STAT5B: variants seen among roughly 807,000 people sequenced by gnomAD.
STAT5B encodes signal transducer and activator of transcription 5B.
STAT5B carries 21 observed loss-of-function variants against 107.8 expected under a neutral mutation model. That is an observed-to-expected ratio of 0.19 (90% CI 0.14 to 0.28). The LOEUF (loss-of-function observed/expected upper bound fraction) is 0.28, where lower values mean the gene tolerates loss of function less well. STAT5B is among the 10% of genes least tolerant of loss of function. The pLI is 1.00. For synonymous variants in STAT5B, 325 were observed against 401.7 expected, an observed-to-expected ratio of 0.81 and a Z score of 2.28; for missense variants, 565 against 1,008.2, an observed-to-expected ratio of 0.56 and a Z score of 5.95.
chr17:42,261,565 A>G (rs1213974357), intron 1 of STAT5B, among the ~76,000 whole-genome samples: 17 of 151,694 alleles, frequency 1.1e-4, no homozygotes, highest in Admixed American at 1.1e-3. Flanking sequence ...TTTTATTTTT[A>G]TTTATTTATT....
chr17:42,265,374 C>CTTTTTTTTTTTTTTTTTTTTTT (rs1275073687), intron 1 of STAT5B, among the ~76,000 whole-genome samples: 1 of 99,228 alleles, frequency 1.0e-5, no homozygotes, highest in African/African-American at 5.0e-5. Context: ...GGTATGTACT[C>CTTTTTTTTTTTTTTTTTTTTTT]TTCTTTTTTT....
At chr17:42,241,645 G>A (rs906594442) in intron 1 of STAT5B, among the ~76,000 whole-genome samples, 66 of 152,168 alleles carry the variant, frequency 4.3e-4, no homozygotes, top group African/African-American at 1.5e-3. Flanking sequence ...GTTTTACCAT[G>A]TTGGCCAGGC....
intron 5 of STAT5B, among the ~76,000 whole-genome samples, chr17:42,221,509 C>G (rs1048676540): frequency 6.6e-6 from 1 of 152,212 alleles, no homozygotes; most frequent in South Asian, 2.1e-4. Context: ...AGATCCAAAC[C>G]CAACCTGAAT....
At chr17:42,273,756 C>A (rs969267767) in intron 1 of STAT5B, among the ~76,000 whole-genome samples, 1 of 152,156 alleles carries the variant, frequency 6.6e-6, no homozygotes. Flanking sequence ...ACCTACATAA[C>A]AACAAGCCAA....
chr17:42,270,772 G>GA (rs2080716713), intron 1 of STAT5B: 1 of 152,128 alleles, frequency 6.6e-6, no homozygotes, highest in Admixed American at 6.5e-5. Context: ...GCAGTCTCTG[G>GA]AATCAGCCCC....
At chr17:42,241,076 A>T (rs183507528) in intron 1 of STAT5B, among the ~76,000 whole-genome samples, 1 of 152,158 alleles carries the variant, frequency 6.6e-6, no homozygotes, top group Non-Finnish European at 1.5e-5. Context: ...GTGGTGGCTC[A>T]TGCTTGTAAT....
upstream of STAT5B, among the ~76,000 whole-genome samples, chr17:42,281,133 CA>C (rs537711767): frequency 3.3e-4 from 39 of 117,384 alleles, no homozygotes; most frequent in Admixed American, 3.4e-4. Context: ...GATTCCGTCT[CA>C]AAAAAAAAAA....
At chr17:42,218,373 C>T (rs780937126) in intron 8 of STAT5B, 43 bp from the exon 9 acceptor site, 2 of 1,598,672 alleles carry the variant, frequency 1.3e-6, no homozygotes, top group Non-Finnish European at 1.7e-6. Flanking sequence ...GGGGCTGGTG[C>T]AGGGGAAAGG....
At position 42,202,431 on chromosome 17, in the gene STAT5B, C is replaced by A. The variant is rs1322296480; in HGVS notation, c.2146G>T (p.Ala716Ser). Reference sequence around the variant, plus strand: ...GTGGCGCTGCCGCCCCCGGCATCTGCAGATGCGTTCACAAACCTGCAGAAG... The same window carrying A: ...GTGGCGCTGCCGCCCCCGGCATCTGAAGATGCGTTCACAAACCTGCAGAAG... ...QVVPEFVNAS[A>S]DAGGGSATYM... Residue 716 changes from alanine (A) to serine (S), a missense_variant, in exon 18 of 19, where the codon GCA becomes TCA. Physicochemically the swap from Ala to Ser is moderately conservative, Grantham distance 99. Coordinates refer to ENST00000293328, the MANE Select transcript of STAT5B (RefSeq NM_012448.4). The A allele has an allele frequency of 9.9e-6, 16 of 1,614,206 alleles. No homozygotes were observed. Among genetic ancestry groups the A allele is most frequent in the Non-Finnish European group, 1.4e-5 (16 of 1,180,040 alleles).
chr17:42,246,956 T>C (rs982374422), intron 1 of STAT5B, among the ~76,000 whole-genome samples: 4 of 152,198 alleles, frequency 2.6e-5, no homozygotes, highest in African/African-American at 9.7e-5. Flanking sequence ...TCGCTCCTAC[T>C]CAAAGGCCAA....
chr17:42,249,120 G>A (rs1201307222), intron 1 of STAT5B, among the ~76,000 whole-genome samples: 2 of 152,200 alleles, frequency 1.3e-5, no homozygotes, highest in Non-Finnish European at 2.9e-5. Flanking sequence ...GGCTGGGTGA[G>A]GTGGCTCAGG....
At chr17:42,282,294 T>A in the STAT5B span, among the ~76,000 whole-genome samples, 24 of 151,626 alleles carry the variant, frequency 1.6e-4, no homozygotes, top group South Asian at 5.0e-3. Flanking sequence ...GGCCAAGGCC[T>A]CTGAGCACCT....
intron 2 of STAT5B, 107 bp from the exon 3 acceptor site, chr17:42,227,792 T>C: frequency 8.4e-7 from 1 of 1,189,226 alleles, no homozygotes; most frequent in Non-Finnish European, 1.2e-6. Flanking sequence ...ATGTTTTTAA[T>C]CCTCACTGCA....
intron 4 of STAT5B, 120 bp from the exon 5 acceptor site, chr17:42,223,676 C>T (rs771940054): frequency 7.7e-6 from 10 of 1,297,462 alleles, no homozygotes; most frequent in Non-Finnish European, 9.6e-6. Flanking sequence ...AATTTTGAGT[C>T]GGGAGGAAAA....
Position 42,207,732 on chromosome 17 carries a change from G to C in STAT5B, c.1907-4C>G, listed in dbSNP as rs1300626408. On this transcript the variant is annotated splice_region_variant and splice_polypyrimidine_tract_variant and intron_variant, in intron 15 of 18. Transcript: ENST00000293328. ...AGATTCCAAAACATTCTTTCCTCTA[G>C]ATCAATAAACAGAACAATCACATTC... 1.2e-6 allele frequency: 2 copies of C among 1,613,864 alleles called. No homozygotes were observed. The highest frequency in any genetic ancestry group is 1.7e-5 in the Admixed American group (1 of 59,968).
In STAT5B at chr17:42,269,112, C is replaced by T. The variant is rs1158486333; in HGVS notation, c.-11+7136G>A. Among the ~76,000 whole-genome samples, 4 of 152,308 alleles carry T rather than the reference C, an allele frequency of 2.6e-5. No individual in the cohort carries two copies. The East Asian group carries it at 7.7e-4, about 29-fold the overall frequency. On this transcript the variant is annotated intron_variant, in intron 1 of 18. Coordinates refer to ENST00000293328, the MANE Select transcript of STAT5B (RefSeq NM_012448.4). ...TTTTTGAGATGGAGTCTCGCTCCGTCTCCCAGGCTGGAGCACAGTAGTGCG... is the reference window on the plus strand; with the variant it reads ...TTTTTGAGATGGAGTCTCGCTCCGTTTCCCAGGCTGGAGCACAGTAGTGCG...
At chr17:42,273,072 C>T (rs1211988710) in intron 1 of STAT5B, among the ~76,000 whole-genome samples, 1 of 152,104 alleles carries the variant, frequency 6.6e-6, no homozygotes, top group African/African-American at 2.4e-5. Flanking sequence ...ACAGTGAATA[C>T]AATTTTAAAA....
At chr17:42,217,912 G>A in intron 9 of STAT5B, 1 of 591,542 alleles carries the variant, frequency 1.7e-6, no homozygotes, top group Admixed American at 3.1e-5. Flanking sequence ...CACCATGTTG[G>A]CCAGGCTGGT....
chr17:42,265,990 C>T (rs2080667735), intron 1 of STAT5B, among the ~76,000 whole-genome samples: 2 of 151,884 alleles, frequency 1.3e-5, no homozygotes, highest in African/African-American at 2.4e-5. Context: ...ACCCATAATG[C>T]TTTGTCATAT....
Sources: allele counts gnomAD v4.1 joint callset (sites outside exome capture counted in the v4.1 genomes callset), GRCh38; gene constraint gnomAD v4.1.1; transcripts MANE v1.5; gene names NCBI Gene and HGNC (gene_info 2026-07-23, HGNC 2026-07-21).